Variants in LRP1B observed in about 807,000 individuals in gnomAD.
LRP1B encodes LDL receptor related protein 1B, also known as low-density lipoprotein receptor-related protein 1B.
Under a neutral mutation model 556.6 loss-of-function variants are expected in LRP1B, and 217 were observed. The ratio of observed to expected loss-of-function variants is 0.39; its 90% CI spans 0.35 to 0.44. LRP1B has a LOEUF of 0.44. Among genes scored for constraint, LRP1B ranks in the 20% least tolerant of loss-of-function variants. The pLI, the probability that LRP1B is intolerant of heterozygous loss-of-function variation, is 1.00. For synonymous variants in LRP1B, 2,047 were observed against 1,865.8 expected, an observed-to-expected ratio of 1.10 and a Z score of -2.50; for missense variants, 5,053 against 5,620.8, an observed-to-expected ratio of 0.90 and a Z score of 3.23.
At chr2:141,803,059 C>T (rs906927415) in intron 2 of LRP1B, among the ~76,000 whole-genome samples, 2 of 151,968 alleles carry the variant, frequency 1.3e-5, no homozygotes, top group Admixed American at 6.6e-5. Context: ...ATAGCCCCGC[C>T]TGAGGGACAT....
chr2:140,569,567 T>C (rs1181841338), intron 43 of LRP1B, among the ~76,000 whole-genome samples: 2 of 151,862 alleles, frequency 1.3e-5, no homozygotes, highest in Non-Finnish European at 3.0e-5. Flanking sequence ...GTTATTAATT[T>C]TGAAGAAAGG....
chr2:141,801,381 T>C (rs1241163586), intron 2 of LRP1B, among the ~76,000 whole-genome samples: 1 of 152,112 alleles, frequency 6.6e-6, no homozygotes, highest in Non-Finnish European at 1.5e-5. Context: ...CTTGAGTTCT[T>C]GGGTTCAAGT....
chr2:141,059,786 T>C (rs914314343), intron 8 of LRP1B, among the ~76,000 whole-genome samples: 1 of 151,802 alleles, frequency 6.6e-6, no homozygotes, highest in African/African-American at 2.4e-5. Flanking sequence ...GAGGAATGGA[T>C]ATCTTGAACT....
chr2:140,398,010 C>G (rs1260816097), intron 66 of LRP1B, among the ~76,000 whole-genome samples: 1 of 152,210 alleles, frequency 6.6e-6, no homozygotes, highest in East Asian at 1.9e-4. Flanking sequence ...ATCCTTGAAA[C>G]TTTTCTCACG....
At chr2:141,455,424 T>A (rs1167493492) in intron 3 of LRP1B, among the ~76,000 whole-genome samples, 3 of 152,148 alleles carry the variant, frequency 2.0e-5, no homozygotes, top group African/African-American at 7.2e-5. Context: ...AGTGTTCAGT[T>A]GAAGTGTCCG....
chr2:140,479,910 T>C (rs34813383), intron 59 of LRP1B, among the ~76,000 whole-genome samples: 7,263 of 152,252 alleles, frequency 0.048, 213 homozygotes, highest in African/African-American at 0.052. Context: ...GACTCTTCTC[T>C]TTGAAACATG....
chr2:141,054,392 C>A (rs1699121641), intron 10 of LRP1B, among the ~76,000 whole-genome samples: 1 of 151,856 alleles, frequency 6.6e-6, no homozygotes, highest in Non-Finnish European at 1.5e-5. Flanking sequence ...TCAATCAGGG[C>A]CGTTCTACTA....
intron 66 of LRP1B, among the ~76,000 whole-genome samples, chr2:140,420,060 A>G (rs968838582): frequency 1.3e-5 from 2 of 151,672 alleles, no homozygotes; most frequent in Non-Finnish European, 2.9e-5. Context: ...TTTAGAACTG[A>G]GTGAAAATAA....
intron 3 of LRP1B, among the ~76,000 whole-genome samples, chr2:141,319,839 A>G (rs1687174595): frequency 6.6e-6 from 1 of 152,116 alleles, no homozygotes; most frequent in Admixed American, 6.6e-5. Flanking sequence ...AAGGAGAAGA[A>G]CTGGAATACA....
intron 82 of LRP1B, among the ~76,000 whole-genome samples, chr2:140,321,080 ATAATTTT>A (rs1259418372): frequency 6.6e-6 from 1 of 152,092 alleles, no homozygotes; most frequent in Non-Finnish European, 1.5e-5. Flanking sequence ...TAAAATTAAA[ATAATTTT>A]TAAAAGTATT....
intron 35 of LRP1B, among the ~76,000 whole-genome samples, chr2:140,732,687 AG>A (rs1687817669): frequency 6.7e-6 from 1 of 149,564 alleles, no homozygotes; most frequent in South Asian, 2.2e-4. Context: ...TTAGAAAACT[AG>A]GATGAAATGG....
At chr2:140,983,129 C>A (rs78142724) in intron 17 of LRP1B, among the ~76,000 whole-genome samples, 3,466 of 152,132 alleles carry the variant, frequency 0.023, 67 homozygotes, top group Non-Finnish European at 0.031. Flanking sequence ...TTCCCCCAGG[C>A]CTTTGGTAGT....
chr2:141,605,149 TG>T (rs1574131318), intron 2 of LRP1B, among the ~76,000 whole-genome samples: 2 of 152,210 alleles, frequency 1.3e-5, no homozygotes, highest in African/African-American at 4.8e-5. Context: ...TTGTGCAAAT[TG>T]GCAAACAAAA....
chr2:141,490,688 G>A (rs1249143619), intron 2 of LRP1B, among the ~76,000 whole-genome samples: 1 of 151,988 alleles, frequency 6.6e-6, no homozygotes, highest in Admixed American at 6.6e-5. Context: ...TGAAATCACT[G>A]TTTTATAAGT....
At chr2:140,263,969 G>A (rs966964827) in intron 86 of LRP1B, among the ~76,000 whole-genome samples, 5 of 152,040 alleles carry the variant, frequency 3.3e-5, no homozygotes, top group African/African-American at 1.2e-4. Context: ...CACAACAAAT[G>A]GGTGGCTTAC....
intron 2 of LRP1B, among the ~76,000 whole-genome samples, chr2:141,536,493 A>G (rs1685072460): frequency 1.3e-5 from 2 of 152,070 alleles, no homozygotes. Context: ...AAGCAGAAGT[A>G]ATGAGACACA....
chr2:141,275,479 C>A (rs116646103), intron 3 of LRP1B, among the ~76,000 whole-genome samples: 2 of 152,032 alleles, frequency 1.3e-5, no homozygotes, highest in South Asian at 2.1e-4. Flanking sequence ...GCGGCCAAGG[C>A]GAGTGAATTG....
At chr2:141,076,307 G>A (rs867076227) in intron 7 of LRP1B, among the ~76,000 whole-genome samples, 1 of 152,126 alleles carries the variant, frequency 6.6e-6, no homozygotes, top group Non-Finnish European at 1.5e-5. Context: ...GAGCTTCAGG[G>A]GTTCCATCAA....
At chr2:140,755,360 A>T (rs1255004484) in intron 35 of LRP1B, among the ~76,000 whole-genome samples, 1 of 152,056 alleles carries the variant, frequency 6.6e-6, no homozygotes, top group African/African-American at 2.4e-5. Context: ...ATGATACCAT[A>T]AGAAAGAAAA....
Sources: allele counts gnomAD v4.1 joint callset (sites outside exome capture counted in the v4.1 genomes callset), GRCh38; gene constraint gnomAD v4.1.1; transcripts MANE v1.5; gene names NCBI Gene and HGNC (gene_info 2026-07-23, HGNC 2026-07-21).